Variants in LRP1B observed in about 807,000 individuals in gnomAD.
LRP1B encodes the protein LDL receptor related protein 1B.
Under a neutral mutation model 556.6 loss-of-function variants are expected in LRP1B, and 217 were observed. The observed-to-expected ratio is 0.39, with a 90% CI of 0.35 to 0.44. The LOEUF is 0.44. Among genes scored for constraint, LRP1B ranks in the 20% least tolerant of loss-of-function variants. LRP1B has a pLI of 1.00. For missense variants in LRP1B, 5,053 were observed against 5,620.8 expected, an observed-to-expected ratio of 0.90 and a Z score of 3.23; for synonymous variants, 2,047 against 1,865.8, an observed-to-expected ratio of 1.10 and a Z score of -2.50.
intron 3 of LRP1B, among the ~76,000 whole-genome samples, chr2:141,269,284 A>G (rs979061757): frequency 2.6e-5 from 4 of 152,246 alleles, no homozygotes; most frequent in African/African-American, 9.6e-5. Flanking sequence ...AGAAAAAAAT[A>G]GCTAAGAGGA....
intron 2 of LRP1B, among the ~76,000 whole-genome samples, chr2:141,558,707 T>A (rs1686043923): frequency 1.3e-5 from 2 of 151,782 alleles, no homozygotes; most frequent in Admixed American, 1.3e-4. Flanking sequence ...ATCTTAGCTG[T>A]AGACTATGTT....
chr2:140,682,672 T>TTACGTG (rs1553513115), intron 41 of LRP1B, among the ~76,000 whole-genome samples: 2 of 53,588 alleles, frequency 3.7e-5, no homozygotes, highest in Non-Finnish European at 7.6e-5. Context: ...CTTGAGAGTA[T>TTACGTG]TGCGTGTGTG....
At chr2:141,651,783 C>T (rs770251837) in intron 2 of LRP1B, among the ~76,000 whole-genome samples, 20 of 152,120 alleles carry the variant, frequency 1.3e-4, no homozygotes, top group South Asian at 2.1e-4. Context: ...ATAATCTTAA[C>T]GTAACTGAAG....
intron 1 of LRP1B, among the ~76,000 whole-genome samples, chr2:141,922,551 C>A (rs939802186): frequency 6.6e-6 from 1 of 152,154 alleles, no homozygotes; most frequent in Non-Finnish European, 1.5e-5. Context: ...TTCTTCTCCT[C>A]CACCTGATCT....
At chr2:142,100,984 T>A (rs1706548803) in intron 1 of LRP1B, among the ~76,000 whole-genome samples, 2 of 150,960 alleles carry the variant, frequency 1.3e-5, no homozygotes, top group South Asian at 2.1e-4. Context: ...GAAAGAGGAG[T>A]TCTCAATCAA....
intron 2 of LRP1B, among the ~76,000 whole-genome samples, chr2:141,721,304 CTT>C (rs146586678): frequency 2.4e-4 from 37 of 152,072 alleles, no homozygotes; most frequent in Non-Finnish European, 4.6e-4. Context: ...TGTTATTGCT[CTT>C]ATATTTTCTT....
At chr2:141,716,544 A>T (rs1692602164) in intron 2 of LRP1B, among the ~76,000 whole-genome samples, 1 of 152,178 alleles carries the variant, frequency 6.6e-6, no homozygotes, top group Admixed American at 6.5e-5. Flanking sequence ...AGGAGGGATA[A>T]AGAAGAAAAT....
intron 7 of LRP1B, among the ~76,000 whole-genome samples, chr2:141,071,417 C>T (rs1262712172): frequency 1.9e-4 from 29 of 152,008 alleles, no homozygotes; most frequent in Non-Finnish European, 4.1e-4. Flanking sequence ...TGGGCAAAAA[C>T]TGGAAGCATT....
chr2:140,847,883 C>T (rs912701538), intron 29 of LRP1B, among the ~76,000 whole-genome samples: 2 of 151,946 alleles, frequency 1.3e-5, no homozygotes, highest in Non-Finnish European at 2.9e-5. Context: ...CATTTTTGCT[C>T]AAATTTTGGT....
At chr2:141,001,995 G>A (rs1466036289) in intron 15 of LRP1B, among the ~76,000 whole-genome samples, 1 of 152,020 alleles carries the variant, frequency 6.6e-6, no homozygotes, top group Non-Finnish European at 1.5e-5. Flanking sequence ...CAGCCAACTT[G>A]GCAGACTTTA....
chr2:140,548,371 A>C (rs1680424183), intron 43 of LRP1B, among the ~76,000 whole-genome samples: 1 of 152,182 alleles, frequency 6.6e-6, no homozygotes, highest in African/African-American at 2.4e-5. Context: ...ATGTATGAGA[A>C]AGTTTAAACA....
At chr2:140,563,625 GC>G in intron 43 of LRP1B, among the ~76,000 whole-genome samples, 1 of 152,192 alleles carries the variant, frequency 6.6e-6, no homozygotes, top group Middle Eastern at 3.4e-3. Context: ...TTTTATCAAA[GC>G]AATTTCATGA....
chr2:140,270,382 T>C (rs1471817096), intron 85 of LRP1B, 36 bp from the exon 86 acceptor site: 2 of 1,305,700 alleles, frequency 1.5e-6, no homozygotes, highest in East Asian at 2.3e-5. Flanking sequence ...AATTTCATTG[T>C]TATTGGCAAC....
chr2:140,638,246 C>T (rs1420960561), intron 41 of LRP1B, among the ~76,000 whole-genome samples: 1 of 152,152 alleles, frequency 6.6e-6, no homozygotes, highest in East Asian at 1.9e-4. Context: ...ATGTAGTTCT[C>T]AACAAAGCAC....
intron 1 of LRP1B, among the ~76,000 whole-genome samples, chr2:141,989,903 C>A (rs1010316303): frequency 6.6e-6 from 1 of 152,004 alleles, no homozygotes; most frequent in Non-Finnish European, 1.5e-5. Context: ...GAGAACAGAC[C>A]AATACGGTCT....
At chr2:140,458,601 A>G (rs559366471) in intron 60 of LRP1B, among the ~76,000 whole-genome samples, 2 of 152,230 alleles carry the variant, frequency 1.3e-5, no homozygotes, top group South Asian at 4.1e-4. Flanking sequence ...AAATTCTGAC[A>G]TGTTCATTAA....
intron 1 of LRP1B, among the ~76,000 whole-genome samples, chr2:142,051,723 C>T (rs1704467505): frequency 1.3e-5 from 2 of 152,076 alleles, no homozygotes; most frequent in African/African-American, 2.4e-5. Context: ...GATCCATCCC[C>T]CTCGGCCTCC....
intron 89 of LRP1B, among the ~76,000 whole-genome samples, chr2:140,237,040 T>C (rs1680740775): frequency 6.6e-6 from 1 of 150,924 alleles, no homozygotes; most frequent in South Asian, 2.1e-4. Context: ...AAAAATCCTT[T>C]TCTAGCTATT....
chr2:141,844,757 A>T (rs1283188454), intron 1 of LRP1B, among the ~76,000 whole-genome samples: 1 of 151,802 alleles, frequency 6.6e-6, no homozygotes, highest in Non-Finnish European at 1.5e-5. Context: ...CTATAAAGTT[A>T]TATAGTTAAA....
Sources: allele counts gnomAD v4.1 joint callset (sites outside exome capture counted in the v4.1 genomes callset), GRCh38; gene constraint gnomAD v4.1.1; transcripts MANE v1.5; gene names NCBI Gene and HGNC (gene_info 2026-07-23, HGNC 2026-07-21).